SPG7: variants seen among roughly 807,000 people sequenced by gnomAD.
SPG7 encodes SPG7 matrix AAA peptidase subunit, paraplegin.
In SPG7, 103 loss-of-function variants were observed where a neutral mutation model predicts 81.9. That is an observed-to-expected ratio of 1.26 (90% CI 1.07 to 1.48). The LOEUF (loss-of-function observed/expected upper bound fraction) is 1.48, where lower values mean the gene tolerates loss of function less well. Among genes scored for constraint, SPG7 ranks in the 40% most tolerant of loss-of-function variants. The pLI, the probability that SPG7 is intolerant of heterozygous loss-of-function variation, is 0.00. For synonymous variants in SPG7, 534 were observed against 444.2 expected (o/e 1.20, Z -2.54); for missense variants, 1,241 against 1,087.3 (o/e 1.14, Z -1.99).
At chr16:89,540,772 C>A (rs1451580255) in intron 9 of SPG7, 4 of 464,794 alleles carry the variant, frequency 8.6e-6, no homozygotes, top group Non-Finnish European at 1.1e-5. Context: ...CATGCGCTCA[C>A]CACATGACCC....
chr16:89,556,647 A>C, intron 16 of SPG7: 2 of 540,288 alleles, frequency 3.7e-6, no homozygotes, highest in Non-Finnish European at 3.3e-6. Context: ...AAATAAGCCA[A>C]GATTTTGAAT....
intron 9 of SPG7, chr16:89,533,077 A>AG (rs2058367244): frequency 5.9e-6 from 1 of 170,802 alleles, no homozygotes; most frequent in Non-Finnish European, 1.3e-5. Context: ...CCATCTCAAA[A>AG]AAAAAAAAAA....
At chr16:89,554,644 G>C in intron 16 of SPG7, 81 bp downstream of exon 16, 1 of 913,090 alleles carries the variant, frequency 1.1e-6, no homozygotes, top group Non-Finnish European at 1.7e-6. Flanking sequence ...CTCTCGTGAA[G>C]TATTTCCAAG....
chr16:89,529,986 C>T (rs567471962), intron 6 of SPG7: 18 of 312,214 alleles, frequency 5.8e-5, no homozygotes, highest in African/African-American at 2.6e-4. Context: ...ATTACAGGCA[C>T]GCGCCACCAC....
At chr16:89,533,279 TGCCTCA>T (rs1805172800) in intron 9 of SPG7, 1 of 152,720 alleles carries the variant, frequency 6.5e-6, no homozygotes, top group African/African-American at 2.4e-5. Context: ...GCCATTCTCC[TGCCTCA>T]GCCTCTCGAG....
At chr16:89,550,080 A>G (rs2058615844) in intron 12 of SPG7, 2 of 295,036 alleles carry the variant, frequency 6.8e-6, no homozygotes, top group African/African-American at 4.4e-5. Flanking sequence ...TCCAAGAGGC[A>G]GATGTGCAGA....
At chr16:89,537,122 C>G in intron 9 of SPG7, 1 of 1,478,750 alleles carries the variant, frequency 6.8e-7, no homozygotes, top group Admixed American at 2.2e-5. Context: ...CATGCTCAGC[C>G]CTGCCGAGGT....
intron 16 of SPG7, chr16:89,555,884 CTG>C (rs1433741472): frequency 5.0e-6 from 2 of 398,678 alleles, no homozygotes; most frequent in East Asian, 7.1e-5. Flanking sequence ...CAAGCGAGCA[CTG>C]TGTGTCACGT....
At chr16:89,525,645 G>C (rs11643271) in intron 4 of SPG7, among the ~76,000 whole-genome samples, 1 of 152,100 alleles carries the variant, frequency 6.6e-6, no homozygotes, top group African/African-American at 2.4e-5. Flanking sequence ...CTAAACATGC[G>C]GAGTTTACTT....
At chr16:89,548,742 G>A (rs904670569) in intron 12 of SPG7, 2 of 354,408 alleles carry the variant, frequency 5.6e-6, no homozygotes, top group African/African-American at 2.1e-5. Flanking sequence ...ACTGGGAATC[G>A]GAGCTGCTGG....
intron 7 of SPG7, chr16:89,531,695 G>C: frequency 1.7e-6 from 1 of 591,542 alleles, no homozygotes; most frequent in South Asian, 2.0e-5. Flanking sequence ...TTTAAAAGTA[G>C]CTGGGCGTGG....
intron 3 of SPG7, among the ~76,000 whole-genome samples, chr16:89,515,360 C>T (rs2058082358): frequency 6.6e-6 from 1 of 151,666 alleles, no homozygotes; most frequent in East Asian, 2.0e-4. Context: ...CCCCTGCCTC[C>T]TGAGTTCAAG....
At chr16:89,555,337 T>A (rs551973613) in intron 16 of SPG7, 2 of 152,618 alleles carry the variant, frequency 1.3e-5, no homozygotes, top group East Asian at 3.9e-4. Context: ...TGCCTCGGCC[T>A]CCCCAAGTGT....
intron 8 of SPG7, among the ~76,000 whole-genome samples, 191 bp from the exon 9 acceptor site, chr16:89,532,272 C>T (rs2058354188): frequency 6.6e-6 from 1 of 152,208 alleles, no homozygotes; most frequent in Non-Finnish European, 1.5e-5. Flanking sequence ...GCCTGGGGGG[C>T]CAGCACGGTG....
chr16:89,537,172 C>G (rs1307056797), intron 9 of SPG7: 1 of 1,444,052 alleles, frequency 6.9e-7, no homozygotes, highest in Non-Finnish European at 9.0e-7. Flanking sequence ...TGGAAGCGCA[C>G]AGGATAGGGC....
chr16:89,555,117 CTG>C lies in SPG7; in HGVS notation c.2181+556_2181+557del, dbSNP rs2058674214. On this transcript the variant is annotated intron_variant, in intron 16 of 16. Transcript: ENST00000645818. ...TTTTTTTTTGAGATGGAGTCTCTCT[CTG>C]TCACGAGGCTGGAGTGCAGTGGTGC... 1.9e-5 allele frequency: 3 copies of C among 155,714 alleles called. No homozygotes were observed. In the East Asian group the frequency reaches 5.7e-4, roughly 30 times the overall value. The allele number at this position is 155,714 out of a possible 1,614,324, so 9.6% of individuals were successfully genotyped here.
At chr16:89,513,130 A>G (rs2152394869) in intron 3 of SPG7, 93 bp downstream of exon 3, 1 of 1,518,818 alleles carries the variant, frequency 6.6e-7, no homozygotes, top group South Asian at 1.2e-5. Context: ...AGTCTGGAAA[A>G]TGGGGAGATG....
chr16:89,548,819 C>G, intron 12 of SPG7: 1 of 406,800 alleles, frequency 2.5e-6, no homozygotes, highest in Non-Finnish European at 5.0e-6. Context: ...GAGTTCAGAC[C>G]CGCACTGTCA....
chr16:89,555,951 C>G (rs1013036678), intron 16 of SPG7: 2 of 398,858 alleles, frequency 5.0e-6, no homozygotes, highest in Admixed American at 8.8e-5. Flanking sequence ...GCAGCCGCCT[C>G]TGGGCAGGTG....
Sources: gnomAD v4.1 joint callset for allele counts (sites outside exome capture counted in the v4.1 genomes callset) on GRCh38, gnomAD v4.1.1 for gene constraint, MANE v1.5 for transcripts, NCBI Gene and HGNC (gene_info 2026-07-23, HGNC 2026-07-21) for gene names.